The following ZFHX3 variants were observed in gnomAD, a reference collection of about 807,000 sequenced individuals.
ZFHX3 encodes the protein zinc finger homeobox 3.
ZFHX3 carries 42 observed loss-of-function variants against 279.1 expected under a neutral mutation model. That is an observed-to-expected ratio of 0.15 (90% CI 0.12 to 0.19). The LOEUF (loss-of-function observed/expected upper bound fraction) is 0.19. Ranked by LOEUF, ZFHX3 falls within the 10% of genes least tolerant of loss-of-function variation. The pLI is 1.00. For synonymous variants in ZFHX3, 2,293 were observed against 1,957.8 expected (o/e 1.17, Z -4.52); for missense variants, 4,981 against 4,754.0 (o/e 1.05, Z -1.40).
chr16:73,360,398 G>T (rs537620684), intron 3 of ZFHX3, among the ~76,000 whole-genome samples: 1 of 152,346 alleles, frequency 6.6e-6, no homozygotes, highest in East Asian at 1.9e-4. Flanking sequence ...GAGTGCAGTG[G>T]TGCAATCTGG....
chr16:73,246,197 C>T (rs1348914513), intron 5 of ZFHX3, among the ~76,000 whole-genome samples: 3 of 152,212 alleles, frequency 2.0e-5, no homozygotes, highest in East Asian at 1.9e-4. Context: ...AGAGTTGTGA[C>T]CTTTTAGGAG....
intron 2 of ZFHX3, among the ~76,000 whole-genome samples, chr16:73,623,625 G>C (rs1247619107): frequency 6.6e-6 from 1 of 152,124 alleles, no homozygotes; most frequent in African/African-American, 2.4e-5. Flanking sequence ...ACACCTCCAG[G>C]GTTTACATCA....
chr16:73,425,981 T>C (rs1046226686), intron 3 of ZFHX3, among the ~76,000 whole-genome samples: 11 of 152,142 alleles, frequency 7.2e-5, no homozygotes, highest in Non-Finnish European at 1.5e-4. Context: ...TCAACGGTGA[T>C]CCTCTTTTTT....
intron 1 of ZFHX3, among the ~76,000 whole-genome samples, chr16:73,708,219 G>A (rs532126922): frequency 5.3e-5 from 8 of 152,124 alleles, no homozygotes; most frequent in South Asian, 2.1e-4. Flanking sequence ...TGAAGTCTCC[G>A]TTTTATCAAT....
chr16:73,144,506 T>G (rs901044091), intron 5 of ZFHX3: 2 of 152,212 alleles, frequency 1.3e-5, no homozygotes, highest in African/African-American at 4.8e-5. Context: ...TCAGGCTGTT[T>G]AGTGAGCTAA....
At position 73,128,338 on chromosome 16, in the gene ZFHX3, C is replaced by T. The variant is rs536167617; in HGVS notation, c.-897+2630G>A. ...TGCTGAATGTTCACAGGTGCAGGCA[C>T]GGCAAAAGCTCTGCATATATTAACT... On this transcript the variant is annotated intron_variant, in intron 7 of 17. Transcript: ENST00000641206. Among the ~76,000 whole-genome samples, 62 of 152,268 alleles carry T rather than the reference C, an allele frequency of 4.1e-4. 2 individuals are homozygous for T. Among genetic ancestry groups the T allele is most frequent in the African/African-American group, 1.3e-3 (52 of 41,562 alleles).
At chr16:73,784,500 G>T (rs1959574029) in intron 1 of ZFHX3, among the ~76,000 whole-genome samples, 1 of 151,988 alleles carries the variant, frequency 6.6e-6, no homozygotes, top group Admixed American at 6.6e-5. Flanking sequence ...TGTAATCCCA[G>T]CACTTTGGGA....
intron 5 of ZFHX3, among the ~76,000 whole-genome samples, chr16:73,144,937 G>A (rs1966856903): frequency 6.6e-6 from 1 of 152,148 alleles, no homozygotes; most frequent in African/African-American, 2.4e-5. Flanking sequence ...CCACTGTAAA[G>A]TACATTGCAA....
chr16:73,204,062 T>C (rs2144902454), intron 5 of ZFHX3, among the ~76,000 whole-genome samples: 1 of 152,114 alleles, frequency 6.6e-6, no homozygotes, highest in South Asian at 2.1e-4. Context: ...TTTTTTTTAG[T>C]AAATAAACAG....
intron 2 of ZFHX3, among the ~76,000 whole-genome samples, chr16:73,495,528 C>G (rs1464746913): frequency 1.3e-5 from 2 of 152,204 alleles, no homozygotes; most frequent in Non-Finnish European, 2.9e-5. Context: ...CAGGCTCAAA[C>G]CTGAGAAAGT....
chr16:73,158,742 T>C (rs549164193), intron 5 of ZFHX3, among the ~76,000 whole-genome samples: 27 of 152,182 alleles, frequency 1.8e-4, no homozygotes, highest in African/African-American at 5.8e-4. Context: ...CATAGACGAA[T>C]GGAACAGAAT....
intron 7 of ZFHX3, among the ~76,000 whole-genome samples, chr16:73,094,047 G>A (rs1156874896): frequency 2.6e-5 from 4 of 152,094 alleles, no homozygotes; most frequent in Non-Finnish European, 5.9e-5. Flanking sequence ...GGAAAGTTGT[G>A]GGGTTGAGTG....
At position 73,484,194 on chromosome 16, in the gene ZFHX3, C is replaced by T. The variant is rs577390770; in HGVS notation, c.-1546-27936G>A. Among the ~76,000 whole-genome samples, 5 of 152,162 alleles carry T rather than the reference C, an allele frequency of 3.3e-5. No individual in the cohort carries two copies. In the East Asian group the frequency reaches 9.7e-4, roughly 29 times the overall value. On this transcript the variant is annotated intron_variant, in intron 2 of 17. Transcript: ENST00000641206. ...GAGAGAAGCCTAAAAACTGACGTCTCAAAGAAAACGCTCTTTCCACGAAGC... is the reference window on the plus strand; with the variant it reads ...GAGAGAAGCCTAAAAACTGACGTCTTAAAGAAAACGCTCTTTCCACGAAGC...
At chr16:73,012,943 T>C (rs912359760) in intron 1 of ZFHX3, among the ~76,000 whole-genome samples, 15 of 152,204 alleles carry the variant, frequency 9.9e-5, no homozygotes, top group African/African-American at 3.4e-4. Context: ...AGAAAATGTA[T>C]CCATGCTGGT....
In ZFHX3 at chr16:73,411,800, G is replaced by A. The variant is rs573368816; in HGVS notation, c.-1291+44203C>T. On this transcript the variant is annotated intron_variant, in intron 3 of 17. Transcript: ENST00000641206. Reference sequence around the variant, plus strand: ...CATGTACCCTGCAGGTTACTGCCACGCCCAGCATCCTTACTCCTGTTGTGT... The same window carrying A: ...CATGTACCCTGCAGGTTACTGCCACACCCAGCATCCTTACTCCTGTTGTGT... Among the ~76,000 whole-genome samples the A allele has an allele frequency of 1.4e-4, 21 of 152,214 alleles. No individual in the cohort carries two copies. The East Asian group carries it at 1.7e-3, about 13-fold the overall frequency.
Position 73,426,343 on chromosome 16 carries a change from G to C in ZFHX3, c.-1291+29660C>G, listed in dbSNP as rs183271334. ...ACAAAAAGGAGGTGACAAGGGTAGG[G>C]GGAGGTTTGAGAGAGAAAAAAGTAA... On this transcript the variant is annotated intron_variant, in intron 3 of 17. Coordinates refer to the ZFHX3 transcript ENST00000641206. Among the ~76,000 whole-genome samples, 399 of 152,312 alleles carry C rather than the reference G, an allele frequency of 2.6e-3. 3 individuals carry two copies. Among genetic ancestry groups the C allele is most frequent in the African/African-American group, 9.0e-3 (374 of 41,568 alleles).
At chr16:73,199,454 G>C (rs1032284469) in intron 5 of ZFHX3, among the ~76,000 whole-genome samples, 1 of 152,194 alleles carries the variant, frequency 6.6e-6, no homozygotes, top group East Asian at 1.9e-4. Flanking sequence ...GGTTTTATAG[G>C]AATGCATCAG....
intron 1 of ZFHX3, among the ~76,000 whole-genome samples, chr16:73,726,235 C>T (rs1017490036): frequency 6.6e-6 from 1 of 152,164 alleles, no homozygotes. Context: ...CACAGTGGGG[C>T]TGGCTCTTAA....
chr16:72,910,249 G>A (rs2039285401), intron 3 of ZFHX3, among the ~76,000 whole-genome samples: 1 of 152,194 alleles, frequency 6.6e-6, no homozygotes, highest in South Asian at 2.1e-4. Context: ...GGCCTTCTGA[G>A]TCTACGCCTT....
Sources: gnomAD v4.1 joint callset for allele counts (sites outside exome capture counted in the v4.1 genomes callset) on GRCh38, gnomAD v4.1.1 for gene constraint, MANE v1.5 for transcripts, NCBI Gene and HGNC (gene_info 2026-07-23, HGNC 2026-07-21) for gene names.